The following SLC37A3 variants were observed in gnomAD, a reference collection of about 807,000 sequenced individuals.
The protein encoded by SLC37A3 is sugar phosphate exchanger 3.
Under a neutral mutation model 67.1 loss-of-function variants are expected in SLC37A3, and 51 were observed. The observed-to-expected ratio is 0.76, with a 90% CI of 0.61 to 0.96. SLC37A3 has a LOEUF of 0.96. Ranked by LOEUF, SLC37A3 falls within the 40% of genes least tolerant of loss-of-function variation. SLC37A3 has a pLI of 0.00. For synonymous variants in SLC37A3, 214 were observed against 231.4 expected, an observed-to-expected ratio of 0.92 and a Z score of 0.68; for missense variants, 508 against 603.0, an observed-to-expected ratio of 0.84 and a Z score of 1.65.
Position 140,369,614 on chromosome 7 carries a change from G to A in SLC37A3, c.267C>T (p.Thr89=), listed in dbSNP as rs1797739669. The A allele has an allele frequency of 1.2e-6, 2 of 1,613,924 alleles. No homozygotes were observed. Among genetic ancestry groups the A allele is most frequent in the East Asian group, 4.5e-5 (2 of 44,870 alleles). ...KATLFLGTLD[T]IFLFSYAVGL... The stretch of plus-strand genomic sequence containing the variant: ...CCACAGCATAGGAGAAGAGGAAAAT[G>A]GTATCCAGTGTGCCGAGGAAAAGAG... The change falls in exon 4 of 15, where the codon ACC becomes ACT. Residue 89 remains threonine, a synonymous_variant. Coordinates refer to ENST00000326232, the MANE Select transcript of SLC37A3 (RefSeq NM_207113.3).
At position 140,337,361 on chromosome 7, in the gene SLC37A3, GA is replaced by G. The variant is rs747804386; in HGVS notation, c.1327-13del. ...AGAGACACTAAATACTGAAAGGGAG[GA>G]AAAAAAAATTACAATATAATTCTTT... On this transcript the variant is annotated splice_polypyrimidine_tract_variant and intron_variant, in intron 13 of 14. Transcript: ENST00000326232. The G allele has an allele frequency of 8.0e-5, 124 of 1,544,916 alleles. No homozygotes were observed. The highest frequency in any genetic ancestry group is 3.7e-4 in the South Asian group (30 of 80,350).
At chr7:140,347,758 C>CAAAAAA (rs11436762) in intron 10 of SLC37A3, among the ~76,000 whole-genome samples, 1 of 139,474 alleles carries the variant, frequency 7.2e-6, no homozygotes, top group Non-Finnish European at 1.6e-5. Flanking sequence ...CTAGCTACAG[C>CAAAAAA]AAAAAAAAAA....
intron 5 of SLC37A3, 127 bp downstream of exon 5, chr7:140,364,281 A>G: frequency 1.1e-6 from 1 of 869,744 alleles, no homozygotes; most frequent in South Asian, 2.2e-5. Context: ...CATCTAAGTG[A>G]AAAGGCAAAT....
chr7:140,344,527 A>G (rs1017419900), intron 12 of SLC37A3, among the ~76,000 whole-genome samples: 2 of 151,368 alleles, frequency 1.3e-5, no homozygotes, highest in Non-Finnish European at 2.9e-5. Context: ...AGGCCAAGGC[A>G]GGTGGATCAC....
At chr7:140,366,362 G>T (rs1006389166) in intron 4 of SLC37A3, among the ~76,000 whole-genome samples, 1 of 151,982 alleles carries the variant, frequency 6.6e-6, no homozygotes, top group African/African-American at 2.4e-5. Context: ...GCCCTCCTTG[G>T]CCTCCCAAAG....
At chr7:140,351,553 T>A (rs950175738) in intron 8 of SLC37A3, 102 bp from the exon 9 acceptor site, 42 of 1,275,480 alleles carry the variant, frequency 3.3e-5, no homozygotes, top group Admixed American at 1.0e-4. Flanking sequence ...TATTTCCATT[T>A]TACAGAAGCA....
intron 3 of SLC37A3, chr7:140,379,444 C>T (rs1222384893): frequency 1.3e-5 from 2 of 149,208 alleles, no homozygotes; most frequent in Non-Finnish European, 3.0e-5. Flanking sequence ...CACTGCACTC[C>T]AGCCTGGGCG....
chr7:140,356,443 G>T (rs868115704), intron 6 of SLC37A3, among the ~76,000 whole-genome samples: 1 of 152,052 alleles, frequency 6.6e-6, no homozygotes, highest in African/African-American at 2.4e-5. Flanking sequence ...GCCTTTGGGA[G>T]GCCTGAGGTG....
chr7:140,378,530 G>C (rs190077156), intron 3 of SLC37A3, among the ~76,000 whole-genome samples: 2 of 152,230 alleles, frequency 1.3e-5, no homozygotes, highest in Non-Finnish European at 2.9e-5. Flanking sequence ...GAGGTCAAGA[G>C]ATCAAGACCA....
At position 140,365,919 on chromosome 7, in the gene SLC37A3, C is replaced by CTTTT. The variant is rs71170981; in HGVS notation, c.292-1432_292-1429dup. 2.7e-4 allele frequency among the ~76,000 whole-genome samples: 12 copies of CTTTT among 43,906 alleles called. 5 individuals are homozygous for CTTTT. Among genetic ancestry groups the CTTTT allele is most frequent in the East Asian group, 1.8e-3 (2 of 1,088 alleles). The allele number at this position is 43,906 out of a possible 152,430, so 28.8% of individuals were successfully genotyped here. On this transcript the variant is annotated intron_variant, in intron 4 of 14. Transcript: ENST00000326232. ...GCTTCAGATGACAGAACAATACATG[C>CTTTT]TTTTTTTTTTTTTTTTTTTTTTTTT...
At chr7:140,367,464 A>T (rs1797648620) in intron 4 of SLC37A3, among the ~76,000 whole-genome samples, 1 of 152,154 alleles carries the variant, frequency 6.6e-6, no homozygotes, top group Non-Finnish European at 1.5e-5. Flanking sequence ...AAAATTAAAT[A>T]AATAAATAAA....
At chr7:140,338,945 C>A (rs1448338525) in intron 13 of SLC37A3, among the ~76,000 whole-genome samples, 2 of 148,996 alleles carry the variant, frequency 1.3e-5, no homozygotes, top group Non-Finnish European at 3.0e-5. Flanking sequence ...TTAGTAGAGA[C>A]GAGGTTTCAC....
At chr7:140,354,901 A>G (rs552144786) in intron 7 of SLC37A3, among the ~76,000 whole-genome samples, 262 of 151,182 alleles carry the variant, frequency 1.7e-3, no homozygotes, top group Non-Finnish European at 3.3e-3. Flanking sequence ...ACACCCCCAC[A>G]CTCAGCTAAT....
At chr7:140,361,179 G>A (rs533518188) in intron 5 of SLC37A3, among the ~76,000 whole-genome samples, 85 of 131,300 alleles carry the variant, frequency 6.5e-4, no homozygotes, top group African/African-American at 1.7e-3. Context: ...CAAAAGCACC[G>A]AGATAGAAAG....
At position 140,364,389 on chromosome 7, in the gene SLC37A3, A is replaced by G. The variant is rs1484587630; in HGVS notation, c.375+19T>C. 6.2e-7 allele frequency: 1 copy of G among 1,607,814 alleles called. No homozygotes were observed. The highest frequency in any genetic ancestry group is 8.5e-7 in the Non-Finnish European group (1 of 1,176,846). On this transcript the variant is annotated intron_variant, in intron 5 of 14. Coordinates refer to ENST00000326232, the MANE Select transcript of SLC37A3 (RefSeq NM_207113.3). ...AAAATACCTGACCAAAATAATAATAATAAGACCTTTCAACTTACCACTAAT... is the reference window on the plus strand; with the variant it reads ...AAAATACCTGACCAAAATAATAATAGTAAGACCTTTCAACTTACCACTAAT...
rs1796793540 is a variant in SLC37A3, at chr7:140,351,433, G to A, written c.722C>T (p.Ala241Val). The change falls in exon 9 of 15, where the codon GCA becomes GTA. Residue 241 changes from alanine (A) to valine (V), a missense_variant. Transcript: ENST00000326232. ...PEEIGLSGIE[A>V]EENFEEDSHR... ...TGAGTCTTCTTCAAAGTTTTCTTCT[G>A]CCTCAATACCCGAGAGACCTAAAAT... The A allele has an allele frequency of 1.2e-6, 2 of 1,613,812 alleles. No individual in the cohort carries two copies. The highest frequency in any genetic ancestry group is 1.7e-5 in the Admixed American group (1 of 59,960).
chr7:140,362,582 G>A (rs375223612), intron 5 of SLC37A3, among the ~76,000 whole-genome samples: 1 of 95,558 alleles, frequency 1.0e-5, no homozygotes. Context: ...CAGCCGCCCC[G>A]TCCGGGAGGT....
chr7:140,374,524 T>C (rs1797948236), intron 3 of SLC37A3, among the ~76,000 whole-genome samples: 1 of 148,692 alleles, frequency 6.7e-6, no homozygotes, highest in Non-Finnish European at 1.5e-5. Context: ...TGAATTTAGA[T>C]TTTAGAATAT....
Position 140,369,576 on chromosome 7 carries a change from G to A in SLC37A3, c.291+14C>T. On this transcript the variant is annotated intron_variant, in intron 4 of 14. Coordinates refer to ENST00000326232, the MANE Select transcript of SLC37A3 (RefSeq NM_207113.3). ...TTTTTCTTTAGCTTTAAGCCCTAGA[G>A]TTCCAAAACTTACCACAGCATAGGA... The A allele has an allele frequency of 6.2e-7, 1 of 1,610,078 alleles. No individual in the cohort carries two copies. The highest frequency in any genetic ancestry group is 8.5e-7 in the Non-Finnish European group (1 of 1,176,694).
Sources: gnomAD v4.1 joint callset for allele counts (sites outside exome capture counted in the v4.1 genomes callset) on GRCh38, gnomAD v4.1.1 for gene constraint, MANE v1.5 for transcripts, NCBI Gene and HGNC (gene_info 2026-07-23, HGNC 2026-07-21) for gene names.